Variants in CCDC85A observed in about 807,000 individuals in gnomAD.
CCDC85A encodes the protein coiled-coil domain-containing protein 85A.
CCDC85A carries 38 observed loss-of-function variants against 50.2 expected under a neutral mutation model. The observed-to-expected ratio is 0.76, with a 90% CI of 0.58 to 0.99. The LOEUF (loss-of-function observed/expected upper bound fraction) is 0.99, where lower values mean the gene tolerates loss of function less well. CCDC85A is among the 50% of genes least tolerant of loss of function. The pLI, the probability that CCDC85A is intolerant of heterozygous loss-of-function variation, is 0.00. For missense variants in CCDC85A, 820 were observed against 742.0 expected (o/e 1.11, Z -1.22); for synonymous variants, 366 against 301.4 (o/e 1.21, Z -2.22).
intron 3 of CCDC85A, among the ~76,000 whole-genome samples, chr2:56,363,068 T>C (rs1675617159): frequency 6.6e-6 from 1 of 152,174 alleles, no homozygotes. Flanking sequence ...TAAATGAGTG[T>C]ATATATAGTT....
intron 3 of CCDC85A, among the ~76,000 whole-genome samples, chr2:56,345,598 A>G (rs1298847492): frequency 6.6e-6 from 1 of 152,206 alleles, no homozygotes; most frequent in Non-Finnish European, 1.5e-5. Flanking sequence ...AGCTACTCCT[A>G]TAAATACAAA....
intron 2 of CCDC85A, among the ~76,000 whole-genome samples, chr2:56,304,916 A>C (rs761157911): frequency 0.01 from 1,135 of 110,266 alleles, 13 homozygotes; most frequent in African/African-American, 0.038. Flanking sequence ...AAAAAACAAA[A>C]AACAAACAAA....
chr2:56,209,145 G>T lies in CCDC85A; in HGVS notation c.1240+15705G>T, dbSNP rs562525570. On this transcript the variant is annotated intron_variant, in intron 2 of 5. Transcript: ENST00000407595. ...GTATCCAAGTCTTTTTTAATATTCAGTCTCGATATGATAATTTGTATCATA... is the reference window on the plus strand; with the variant it reads ...GTATCCAAGTCTTTTTTAATATTCATTCTCGATATGATAATTTGTATCATA... 3.9e-5 allele frequency among the ~76,000 whole-genome samples: 6 copies of T among 152,194 alleles called. No homozygotes were observed. The South Asian group carries it at 1.2e-3, about 31-fold the overall frequency.
At chr2:56,239,984 A>G (rs1218926349) in intron 2 of CCDC85A, among the ~76,000 whole-genome samples, 1 of 152,150 alleles carries the variant, frequency 6.6e-6, no homozygotes, top group Non-Finnish European at 1.5e-5. Context: ...GTACCTCCCA[A>G]GTTTGAATTT....
At position 56,184,672 on chromosome 2, in the gene CCDC85A, A is replaced by C. The variant is rs1391472065; in HGVS notation, c.48A>C (p.Glu16Asp). ...CGGCGGCGGCTGCGGCGGCGGCGGA[A>C]AGTTGTTCCCCAGCCCCGGCCGGCT... ...GGAAAAAAAA[E>D]SCSPAPAGSS... The change falls in exon 1 of 6, where the codon GAA becomes GAC. Residue 16 changes from glutamate to aspartate, a missense_variant. Glu to Asp is a conservative substitution (Grantham distance 45, BLOSUM62 2). Coordinates refer to ENST00000407595, the MANE Select transcript of CCDC85A (RefSeq NM_001080433.2). The C allele has an allele frequency of 8.1e-6, 12 of 1,472,762 alleles. No homozygotes were observed. Among genetic ancestry groups the C allele is most frequent in the Non-Finnish European group, 1.1e-5 (12 of 1,122,056 alleles). 91.2% of individuals were successfully genotyped at this position (1,472,762 alleles called of 1,614,324 possible).
chr2:56,184,423 A>T lies in CCDC85A; in HGVS notation c.-202A>T. ...GCGGCTGGCTGCCGGGCCCTGGGGG[A>T]GCGCGGGCGCGCGCGCGGGGATGGC... On this transcript the variant is annotated 5_prime_UTR_variant, in exon 1 of 6. Transcript: ENST00000407595. The T allele has an allele frequency of 1.8e-6, 1 of 552,994 alleles. No homozygotes were observed. Among genetic ancestry groups the T allele is most frequent in the East Asian group, 4.2e-5 (1 of 23,544 alleles). 34.3% of individuals were successfully genotyped at this position (552,994 alleles called of 1,614,324 possible).
chr2:56,258,407 T>C (rs1209421230), intron 2 of CCDC85A, among the ~76,000 whole-genome samples: 1 of 152,184 alleles, frequency 6.6e-6, no homozygotes, highest in Non-Finnish European at 1.5e-5. Flanking sequence ...TTTTTCCATG[T>C]CAGCAGATAG....
chr2:56,360,726 G>C (rs1675481810), intron 3 of CCDC85A, among the ~76,000 whole-genome samples: 1 of 152,174 alleles, frequency 6.6e-6, no homozygotes, highest in Non-Finnish European at 1.5e-5. Context: ...TGTGACAGTA[G>C]TTGTGGTCAA....
Position 56,372,437 on chromosome 2 carries a change from C to G in CCDC85A, c.1411C>G (p.Gln471Glu). 1 of 1,609,416 alleles carries G rather than the reference C, an allele frequency of 6.2e-7. No individual in the cohort carries two copies. Among genetic ancestry groups the G allele is most frequent in the East Asian group, 2.2e-5 (1 of 44,618 alleles). ...SRARRVLQWW[Q>E]GCRGIGRCLP... ...AGCCCGGCGGGTCTTGCAGTGGTGG[C>G]AAGGGTGCCGAGGAATAGGACGATG... Residue 471 changes from glutamine to glutamate, a missense_variant, in exon 4 of 6, where the codon CAA (glutamine) becomes GAA (glutamate). Physicochemically the swap from Gln to Glu is conservative, Grantham distance 29. Coordinates refer to ENST00000407595, the MANE Select transcript of CCDC85A (RefSeq NM_001080433.2).
intron 2 of CCDC85A, among the ~76,000 whole-genome samples, chr2:56,199,107 A>T (rs1341031623): frequency 6.6e-6 from 1 of 152,200 alleles, no homozygotes; most frequent in African/African-American, 2.4e-5. Context: ...GTATCATTTC[A>T]TTTTACCTGA....
chr2:56,332,276 A>G lies in CCDC85A; in HGVS notation c.1241-10603A>G, dbSNP rs79451221. Among the ~76,000 whole-genome samples, 744 of 152,224 alleles carry G rather than the reference A, an allele frequency of 4.9e-3. 14 individuals are homozygous for G. Among genetic ancestry groups the G allele is most frequent in the African/African-American group, 0.017 (689 of 41,538 alleles). On this transcript the variant is annotated intron_variant, in intron 2 of 5. Coordinates refer to ENST00000407595, the MANE Select transcript of CCDC85A (RefSeq NM_001080433.2). The stretch of plus-strand genomic sequence containing the variant: ...CTCCCTCTCTTCTTGCCACCCCTTC[A>G]TAGTCCTTTTGGGCTGATACAACAG...
chr2:56,338,004 C>T (rs748418016), intron 2 of CCDC85A, among the ~76,000 whole-genome samples: 3 of 151,944 alleles, frequency 2.0e-5, no homozygotes, highest in Non-Finnish European at 4.4e-5. Context: ...AGGATGATCT[C>T]GACCTCTTGA....
At chr2:56,249,790 A>G (rs1669674435) in intron 2 of CCDC85A, among the ~76,000 whole-genome samples, 1 of 152,184 alleles carries the variant, frequency 6.6e-6, no homozygotes, top group African/African-American at 2.4e-5. Context: ...GCATGTAGTT[A>G]TTCCTCTGTG....
chr2:56,315,033 C>G (rs1402144876), intron 2 of CCDC85A, among the ~76,000 whole-genome samples: 2 of 152,164 alleles, frequency 1.3e-5, no homozygotes. Flanking sequence ...AGAAGAACTT[C>G]TCTTTCTCCC....
intron 2 of CCDC85A, among the ~76,000 whole-genome samples, chr2:56,262,813 C>A (rs1415075847): frequency 6.6e-6 from 1 of 152,200 alleles, no homozygotes; most frequent in East Asian, 1.9e-4. Flanking sequence ...GCCAGCACAG[C>A]AGTTCACATA....
intron 2 of CCDC85A, among the ~76,000 whole-genome samples, chr2:56,302,681 T>G (rs947166807): frequency 2.6e-5 from 4 of 152,350 alleles, no homozygotes; most frequent in East Asian, 3.9e-4. Flanking sequence ...TTCTTTATCT[T>G]AGTCTCATGT....
chr2:56,284,524 C>T (rs953556866), intron 2 of CCDC85A, among the ~76,000 whole-genome samples: 3 of 152,126 alleles, frequency 2.0e-5, no homozygotes, highest in African/African-American at 7.2e-5. Context: ...AGGTGTGCAC[C>T]ACCAGGCCCA....
At chr2:56,358,202 T>G (rs1476746295) in intron 3 of CCDC85A, among the ~76,000 whole-genome samples, 2 of 152,236 alleles carry the variant, frequency 1.3e-5, no homozygotes, top group Non-Finnish European at 2.9e-5. Context: ...TATTGGGGTC[T>G]GAATACGACA....
At chr2:56,342,721 T>C (rs1674434612) in intron 2 of CCDC85A, among the ~76,000 whole-genome samples, 158 bp from the exon 3 acceptor site, 1 of 151,502 alleles carries the variant, frequency 6.6e-6, no homozygotes, top group Non-Finnish European at 1.5e-5. Flanking sequence ...TTTCAGTGGC[T>C]TCTGTTCTTA....
Sources: gnomAD v4.1 joint callset for allele counts (sites outside exome capture counted in the v4.1 genomes callset) on GRCh38, gnomAD v4.1.1 for gene constraint, MANE v1.5 for transcripts, NCBI Gene and HGNC (gene_info 2026-07-23, HGNC 2026-07-21) for gene names.